SMC4: variants seen among roughly 807,000 people sequenced by gnomAD.
The protein encoded by SMC4 is structural maintenance of chromosomes 4.
Under a neutral mutation model 145.6 loss-of-function variants are expected in SMC4, and 87 were observed. That is an observed-to-expected ratio of 0.60 (90% CI 0.50 to 0.71). The LOEUF (loss-of-function observed/expected upper bound fraction) is 0.71, where lower values mean the gene tolerates loss of function less well. Ranked by LOEUF, SMC4 falls within the 30% of genes least tolerant of loss-of-function variation. The pLI is 0.00. For synonymous variants in SMC4, 558 were observed against 500.7 expected, an observed-to-expected ratio of 1.11 and a Z score of -1.53; for missense variants, 1,447 against 1,537.1, an observed-to-expected ratio of 0.94 and a Z score of 0.98.
At chr3:160,427,228 G>A (rs1351111472) in intron 17 of SMC4, among the ~76,000 whole-genome samples, 1 of 152,142 alleles carries the variant, frequency 6.6e-6, no homozygotes, top group African/African-American at 2.4e-5. Flanking sequence ...CTCTTCCCAG[G>A]GAGCACACAT....
Position 160,400,835 on chromosome 3 carries a change from TA to T in SMC4, c.12del (p.Gly5AlafsTer54). 6.5e-7 allele frequency: 1 copy of T among 1,537,406 alleles called. No individual in the cohort carries two copies. Among genetic ancestry groups the T allele is most frequent in the Admixed American group, 1.8e-5 (1 of 54,062 alleles). ...CCCCGGCCCCAGCGACCATGCCCCG[TA>T]AAGGCACCCAGCCCTCCACTGCCCG... is the stretch of plus-strand genomic sequence containing the variant. MPR[K>X]GTQPSTARRR... On this transcript the variant is annotated frameshift_variant, in exon 2 of 24. Transcript: ENST00000357388. LOFTEE classifies it high-confidence loss of function.
At chr3:160,402,967 A>G in intron 4 of SMC4, 100 bp downstream of exon 4, 1 of 817,896 alleles carries the variant, frequency 1.2e-6, no homozygotes, top group Middle Eastern at 3.7e-4. Flanking sequence ...GTATGTAATT[A>G]CAGCGGAAAG....
intron 21 of SMC4, 37 bp from the exon 22 acceptor site, chr3:160,432,246 A>G (rs753771162): frequency 1.2e-5 from 16 of 1,387,304 alleles, no homozygotes; most frequent in Non-Finnish European, 1.5e-5. Context: ...TATCAAATTT[A>G]TCTGAATAGA....
intron 2 of SMC4, 58 bp from the exon 3 acceptor site, chr3:160,401,857 T>G: frequency 1.5e-6 from 2 of 1,370,788 alleles, no homozygotes; most frequent in Non-Finnish European, 2.0e-6. Context: ...CTAATTGCAC[T>G]AATGTAGGCT....
At chr3:160,430,885 G>C in intron 19 of SMC4, 142 bp downstream of exon 19, 1 of 1,224,656 alleles carries the variant, frequency 8.2e-7, no homozygotes. Flanking sequence ...TGTACAATAA[G>C]AATACTATAA....
chr3:160,416,599 A>G (rs1287067347), intron 10 of SMC4, 184 bp downstream of exon 10: 3 of 372,802 alleles, frequency 8.0e-6, no homozygotes, highest in Non-Finnish European at 1.4e-5. Flanking sequence ...CATGTTTTTT[A>G]AAAAGTTTAC....
rs1038443818 is a variant in SMC4, at chr3:160,428,159, A to G, written c.2606-594A>G. On this transcript the variant is annotated intron_variant, in intron 17 of 23. Coordinates refer to ENST00000357388, the MANE Select transcript of SMC4 (RefSeq NM_001002800.3). The stretch of plus-strand genomic sequence containing the variant: ...AGACTTCTGTGTGACTGCTTGCCAG[A>G]AGAAACATGTCCAATTTGTTTATGC... 1.1e-4 allele frequency among the ~76,000 whole-genome samples: 17 copies of G among 152,236 alleles called. No homozygotes were observed. In the East Asian group the frequency reaches 1.5e-3, roughly 14 times the overall value.
chr3:160,425,019 GGTATGTGT>G lies in SMC4; in HGVS notation c.2478+3_2478+10del. 1.6e-6 allele frequency: 2 copies of G among 1,227,018 alleles called. No homozygotes were observed. The highest frequency in any genetic ancestry group is 2.2e-6 in the Non-Finnish European group (2 of 904,476). The allele number at this position is 1,227,018 out of a possible 1,614,324, so 76.0% of individuals were successfully genotyped here. A position where few individuals can be genotyped will look rare whatever the true frequency, so the allele number is the denominator to read the frequency against. Reference sequence around the variant, plus strand: ...TAGAAAAATTTACTGCAAGCATCCAGGTATGTGTGTGTGTGTGTGTGTGTGTGTGTGTG... The same window carrying G: ...TAGAAAAATTTACTGCAAGCATCCAGGTGTGTGTGTGTGTGTGTGTGTGTG... On this transcript the variant is annotated splice_donor_variant and splice_donor_5th_base_variant and intron_variant, in intron 16 of 23. Transcript: ENST00000357388. LOFTEE classifies it high-confidence loss of function.
intron 3 of SMC4, 22 bp from the exon 4 acceptor site, chr3:160,402,654 T>C: frequency 1.3e-6 from 2 of 1,591,738 alleles, no homozygotes; most frequent in Non-Finnish European, 1.7e-6. Flanking sequence ...TTCCGTGTTT[T>C]GTTTTTGTTT....
intron 13 of SMC4, among the ~76,000 whole-genome samples, chr3:160,421,257 T>A (rs544415305): frequency 6.6e-6 from 1 of 152,240 alleles, no homozygotes; most frequent in East Asian, 1.9e-4. Flanking sequence ...GTGCTAAGTG[T>A]GTTTTTCTTT....
At chr3:160,432,138 G>T in intron 21 of SMC4, 145 bp from the exon 22 acceptor site, 3 of 664,134 alleles carry the variant, frequency 4.5e-6, no homozygotes, top group African/African-American at 1.8e-5. Context: ...GGAGGTGGAG[G>T]TTGCCGTGAG....
chr3:160,429,824 C>A (rs1718194757), intron 18 of SMC4, among the ~76,000 whole-genome samples: 1 of 149,802 alleles, frequency 6.7e-6, no homozygotes, highest in African/African-American at 2.5e-5. Flanking sequence ...TCAAGTGATT[C>A]TCCTGTCTCA....
chr3:160,431,361 A>G (rs1486107093), intron 20 of SMC4, among the ~76,000 whole-genome samples, 156 bp downstream of exon 20: 1 of 152,180 alleles, frequency 6.6e-6, no homozygotes, highest in Non-Finnish European at 1.5e-5. Context: ...TTTATAGGGG[A>G]CATAACAATA....
At chr3:160,430,835 C>T in intron 19 of SMC4, 92 bp downstream of exon 19, 1 of 1,395,690 alleles carries the variant, frequency 7.2e-7, no homozygotes, top group Non-Finnish European at 9.6e-7. Context: ...ATGTAGTAAG[C>T]ACTCATAGAC....
In SMC4 at chr3:160,402,875, ATTTTTACTG is replaced by A; in HGVS notation, c.510+11_510+19del. 1 of 1,534,988 alleles carries A rather than the reference ATTTTTACTG, an allele frequency of 6.5e-7. No individual in the cohort carries two copies. The highest frequency in any genetic ancestry group is 8.7e-7 in the Non-Finnish European group (1 of 1,147,952). On this transcript the variant is annotated intron_variant, in intron 4 of 23. Coordinates refer to ENST00000357388, the MANE Select transcript of SMC4 (RefSeq NM_001002800.3). ...CAAAAGATAATTGATAAGGTAAGGG[ATTTTTACTG>A]TTATTGGCAAGTTCAAGTAAGGAAA...
intron 2 of SMC4, among the ~76,000 whole-genome samples, chr3:160,401,502 A>G (rs114782835): frequency 1.3e-4 from 20 of 152,280 alleles, no homozygotes; most frequent in Non-Finnish European, 1.5e-4. Flanking sequence ...ATGAGTTTCC[A>G]AAATGAAGGT....
intron 10 of SMC4, among the ~76,000 whole-genome samples, chr3:160,417,344 T>C (rs890650220): frequency 6.6e-6 from 1 of 152,200 alleles, no homozygotes; most frequent in Non-Finnish European, 1.5e-5. Context: ...AAAGTGTCAA[T>C]GGATAATGCA....
intron 6 of SMC4, 98 bp downstream of exon 6, chr3:160,412,182 A>G (rs1020337965): frequency 1.4e-6 from 2 of 1,426,534 alleles, no homozygotes; most frequent in Non-Finnish European, 9.5e-7. Context: ...TACTTAATGA[A>G]GAAGTGTTAT....
chr3:160,401,894 C>T (rs549130057), intron 2 of SMC4, 21 bp from the exon 3 acceptor site: 1 of 1,528,210 alleles, frequency 6.5e-7, no homozygotes, highest in Non-Finnish European at 8.8e-7. Flanking sequence ...CCTTCGTTTT[C>T]CTTTCCTTTC....
Sources: gnomAD v4.1 joint callset for allele counts (sites outside exome capture counted in the v4.1 genomes callset) on GRCh38, gnomAD v4.1.1 for gene constraint, MANE v1.5 for transcripts, NCBI Gene and HGNC (gene_info 2026-07-23, HGNC 2026-07-21) for gene names.